AURKA: variants seen among roughly 807,000 people sequenced by gnomAD.
The protein encoded by AURKA is aurora 2.
Under a neutral mutation model 40.9 loss-of-function variants are expected in AURKA, and 12 were observed. That is an observed-to-expected ratio of 0.29 (90% CI 0.19 to 0.48). The LOEUF (loss-of-function observed/expected upper bound fraction) is 0.48. Among genes scored for constraint, AURKA ranks in the 20% least tolerant of loss-of-function variants. AURKA has a pLI of 0.99. For missense variants in AURKA, 322 were observed against 462.1 expected (o/e 0.70, Z 2.78); for synonymous variants, 170 against 164.3 (o/e 1.03, Z -0.26).
Position 56,373,505 on chromosome 20 carries a change from T to C in AURKA, c.757A>G (p.Ile253Val). 6.2e-7 allele frequency: 1 copy of C among 1,614,240 alleles called. No homozygotes were observed. Among genetic ancestry groups the C allele is most frequent in the Non-Finnish European group, 8.5e-7 (1 of 1,180,030 alleles). Residue 253 changes from isoleucine to valine, a missense_variant, in exon 7 of 9, where the codon ATT becomes GTT. Physicochemically the swap from Ile to Val is conservative, Grantham distance 29 (BLOSUM62 3). Coordinates refer to ENST00000395915, the MANE Select transcript of AURKA (RefSeq NM_198437.3). The surrounding 1 kb of genome is among the most constrained non-coding windows in gnomAD (Gnocchi z 5.0). The stretch of plus-strand genomic sequence containing the variant: ...TTCTCTGGCTTAATGTCTCTATGAA[T>C]AACTCTCTTCGAATGACAGTAAGAC... Reference protein sequence around the residue: ...ALSYCHSKRVIHRDIKPENLL... With the variant: ...ALSYCHSKRVVHRDIKPENLL...
At position 56,369,885 on chromosome 20, in the gene AURKA, G is replaced by T; in HGVS notation, c.*273C>A. The T allele has an allele frequency of 1.9e-6, 1 of 531,004 alleles. No individual in the cohort carries two copies. Among genetic ancestry groups the T allele is most frequent in the South Asian group, 2.0e-5 (1 of 50,978 alleles). The allele number at this position is 531,004 out of a possible 1,614,324, so 32.9% of individuals were successfully genotyped here. On this transcript the variant is annotated 3_prime_UTR_variant, in exon 9 of 9. Transcript: ENST00000395915. ...GAAGACACCATGCCTAGCACAGGCT[G>T]ACGGGGCGGCTGCAGTCGAACCTTG...
intron 7 of AURKA, among the ~76,000 whole-genome samples, chr20:56,371,460 C>CA (rs71730570): frequency 0.25 from 33,288 of 132,454 alleles, 4,467 homozygotes; most frequent in East Asian, 0.66. Flanking sequence ...GACTCTGTCT[C>CA]AAAAAAAAAA....
chr20:56,385,462 A>ATT (rs199813313), intron 3 of AURKA, among the ~76,000 whole-genome samples: 4,651 of 143,876 alleles, frequency 0.032, 214 homozygotes, highest in African/African-American at 0.1. Flanking sequence ...TCCACAGTAA[A>ATT]TTTTTTTTTT....
chr20:56,369,627 G>A lies in AURKA; in HGVS notation c.*531C>T. The A allele has an allele frequency of 3.7e-6, 1 of 271,080 alleles. No homozygotes were observed. The highest frequency in any genetic ancestry group is 7.2e-6 in the Non-Finnish European group (1 of 139,320). 16.8% of individuals were successfully genotyped at this position (271,080 alleles called of 1,614,324 possible). ...TACCGGGGTGCCGGACAGACACACA[G>A]CATTCCTAAAGGAATGCCACCAGAG... On this transcript the variant is annotated 3_prime_UTR_variant, in exon 9 of 9. Transcript: ENST00000395915.
At chr20:56,370,726 C>T in intron 7 of AURKA, 67 bp from the exon 8 acceptor site, 1 of 1,568,370 alleles carries the variant, frequency 6.4e-7, no homozygotes, top group Non-Finnish European at 8.7e-7. Flanking sequence ...TGCTAACAAT[C>T]ATTAAAGAGT....
In AURKA at chr20:56,381,575, C is replaced by CA; in HGVS notation, c.567-5dup. ...CAGTCTAAGAATATTAGGATGCCTG[C>CA]AACAAAGGATAAACATTCTAACACT... On this transcript the variant is annotated splice_region_variant and splice_polypyrimidine_tract_variant and intron_variant, in intron 5 of 8. Coordinates refer to ENST00000395915, the MANE Select transcript of AURKA (RefSeq NM_198437.3). 1 of 1,613,460 alleles carries CA rather than the reference C, an allele frequency of 6.2e-7. No individual in the cohort carries two copies. Among genetic ancestry groups the CA allele is most frequent in the South Asian group, 1.1e-5 (1 of 91,058 alleles).
chr20:56,384,926 T>C (rs745628364), intron 3 of AURKA, among the ~76,000 whole-genome samples: 16 of 152,124 alleles, frequency 1.1e-4, no homozygotes, highest in Admixed American at 9.2e-4. Flanking sequence ...GTCTCCAACA[T>C]AGCAAACTCG....
intron 2 of AURKA, among the ~76,000 whole-genome samples, chr20:56,387,152 GTATTAT>G (rs1053995896): frequency 2.0e-5 from 3 of 151,982 alleles, no homozygotes; most frequent in African/African-American, 7.2e-5. Flanking sequence ...CTACTAAAAT[GTATTAT>G]TATTATTATT....
At chr20:56,374,016 TACACACACACACACACAC>T (rs11467339) in intron 6 of AURKA, among the ~76,000 whole-genome samples, 1 of 147,612 alleles carries the variant, frequency 6.8e-6, no homozygotes, top group Non-Finnish European at 1.5e-5. Context: ...TATAGGAGTC[TACACACACACACACACAC>T]ACACACACAC....
intron 6 of AURKA, among the ~76,000 whole-genome samples, chr20:56,374,774 G>A (rs779594789): frequency 6.6e-6 from 1 of 152,162 alleles, no homozygotes; most frequent in Non-Finnish European, 1.5e-5. Flanking sequence ...CTGGCCAGGT[G>A]CAGTGGTTCA....
At chr20:56,385,425 G>A (rs1265774960) in intron 3 of AURKA, among the ~76,000 whole-genome samples, 2 of 151,658 alleles carry the variant, frequency 1.3e-5, no homozygotes, top group Non-Finnish European at 2.9e-5. Flanking sequence ...CCTAAATCCA[G>A]CGTTCTACTC....
chr20:56,376,982 A>G (rs1043042113), intron 6 of AURKA, among the ~76,000 whole-genome samples: 3 of 152,186 alleles, frequency 2.0e-5, no homozygotes, highest in African/African-American at 7.2e-5. Flanking sequence ...CAGGAGGCTG[A>G]GGCAGGAGAA....
chr20:56,382,929 G>C (rs972853385), intron 5 of AURKA, 56 bp downstream of exon 5: 68 of 1,585,994 alleles, frequency 4.3e-5, no homozygotes, highest in East Asian at 1.3e-4. Context: ...CATTACAGGA[G>C]GGGGAGGGGT....
chr20:56,376,277 C>T (rs925324656), intron 6 of AURKA, among the ~76,000 whole-genome samples: 2 of 152,100 alleles, frequency 1.3e-5, no homozygotes, highest in African/African-American at 4.8e-5. Context: ...CATAGATTTA[C>T]TTATTGATCT....
rs1356969328 is a variant in AURKA at position 56,369,926 on chromosome 20, C to G, written c.*232G>C. On this transcript the variant is annotated 3_prime_UTR_variant, in exon 9 of 9. Transcript: ENST00000395915. ...TCGAACCTTGCCTCCAGATTATGAA[C>G]CAGTATAAGTAGCACAATTCTCGTG... The G allele has an allele frequency of 1.8e-5, 11 of 613,110 alleles. No homozygotes were observed. Among genetic ancestry groups the G allele is most frequent in the Non-Finnish European group, 2.9e-5 (10 of 343,004 alleles). The allele number at this position is 613,110 out of a possible 1,614,324, so 38.0% of individuals were successfully genotyped here. A position where few individuals can be genotyped will look rare whatever the true frequency, so the allele number is the denominator to read the frequency against.
rs373550419 is a variant in AURKA at position 56,373,516 on chromosome 20, G to C, written c.746C>G (p.Ser249Trp). The C allele has an allele frequency of 3.7e-6, 6 of 1,614,154 alleles. No individual in the cohort carries two copies. The East Asian group carries it at 6.7e-5, about 18-fold the overall frequency. Residue 249 changes from serine to tryptophan, a missense_variant, in exon 7 of 9, where the codon TCG becomes TGG. Coordinates refer to ENST00000395915, the MANE Select transcript of AURKA (RefSeq NM_198437.3). This position sits in a 1 kb window ranked among gnomAD's most constrained non-coding sequence, Gnocchi z 5.0. ...ELANALSYCHSKRVIHRDIKP... is the reference protein window; with the variant it reads ...ELANALSYCHWKRVIHRDIKP... Reference sequence around the variant, plus strand: ...AATGTCTCTATGAATAACTCTCTTCGAATGACAGTAAGACAGGGCATTTGC... The same window carrying C: ...AATGTCTCTATGAATAACTCTCTTCCAATGACAGTAAGACAGGGCATTTGC...
chr20:56,384,534 A>G (rs1478883872), intron 3 of AURKA, among the ~76,000 whole-genome samples: 1 of 152,148 alleles, frequency 6.6e-6, no homozygotes, highest in East Asian at 1.9e-4. Context: ...TAGAATTTCT[A>G]AAGATGAGCA....
At chr20:56,382,445 C>G (rs997455490) in intron 5 of AURKA, among the ~76,000 whole-genome samples, 2 of 152,106 alleles carry the variant, frequency 1.3e-5, no homozygotes, top group Non-Finnish European at 2.9e-5. Flanking sequence ...TTGAAAAACA[C>G]TGAAAGAAAA....
Position 56,370,166 on chromosome 20 carries a change from G to A in AURKA, c.1204C>T (p.Gln402Ter), listed in dbSNP as rs745433550. The A allele has an allele frequency of 1.9e-6, 3 of 1,612,592 alleles. No individual in the cohort carries two copies. In the East Asian group the frequency reaches 6.7e-5, roughly 36 times the overall value. ...NCQNKESASKQS is the reference protein window; with the variant it reads ...NCQNKESASK ...CTCCCCCTGCACGATTCCTAAGACT[G>A]TTTGCTAGCTGATTCTTTGTTTTGG... The change falls in exon 9 of 9, where the codon CAG (glutamine) becomes TAG (stop). Residue 402 changes from glutamine to a stop codon, truncating the protein, a stop_gained. Coordinates refer to ENST00000395915, the MANE Select transcript of AURKA (RefSeq NM_198437.3). LOFTEE classifies it high-confidence loss of function.
Sources: allele counts gnomAD v4.1 joint callset (sites outside exome capture counted in the v4.1 genomes callset), GRCh38; gene constraint gnomAD v4.1.1; non-coding constraint Gnocchi (gnomAD v3.1); transcripts MANE v1.5; gene names NCBI Gene and HGNC (gene_info 2026-07-23, HGNC 2026-07-21).